LYPLA1: variants seen among roughly 807,000 people sequenced by gnomAD.
LYPLA1 encodes lysophospholipase 1.
LYPLA1 carries 17 observed loss-of-function variants against 34.0 expected under a neutral mutation model. The observed-to-expected ratio is 0.50, with a 90% confidence interval of 0.34 to 0.75. The LOEUF is 0.75. Ranked by LOEUF, LYPLA1 falls within the 30% of genes least tolerant of loss-of-function variation. The pLI, the probability that LYPLA1 is intolerant of heterozygous loss-of-function variation, is 0.01. For missense variants in LYPLA1, 203 were observed against 288.8 expected, an observed-to-expected ratio of 0.70 and a Z score of 2.15; for synonymous variants, 98 against 100.8, an observed-to-expected ratio of 0.97 and a Z score of 0.17.
At chr8:54,093,192 C>A (rs1480229333) in intron 2 of LYPLA1, among the ~76,000 whole-genome samples, 1 of 152,166 alleles carries the variant, frequency 6.6e-6, no homozygotes, top group African/African-American at 2.4e-5. Context: ...AGTGAGAGAC[C>A]ATAAGACCAG....
intron 3 of LYPLA1, 146 bp from the exon 4 acceptor site, chr8:54,063,521 C>T: frequency 1.6e-6 from 1 of 644,032 alleles, no homozygotes; most frequent in Non-Finnish European, 2.7e-6. Context: ...ATTTCATCCA[C>T]ACCTGTACAA....
intron 2 of LYPLA1, among the ~76,000 whole-genome samples, chr8:54,099,812 C>T (rs1024512166): frequency 1.3e-5 from 2 of 151,832 alleles, no homozygotes; most frequent in Non-Finnish European, 2.9e-5. Context: ...GCCTCCCTAG[C>T]AGCTGGGATT....
chr8:54,098,693 T>A (rs1026711005), intron 2 of LYPLA1, among the ~76,000 whole-genome samples: 1 of 152,046 alleles, frequency 6.6e-6, no homozygotes, highest in Non-Finnish European at 1.5e-5. Flanking sequence ...AAAATAATAA[T>A]AAAATAAATA....
chr8:54,067,157 A>AG (rs1186764942), intron 2 of LYPLA1, among the ~76,000 whole-genome samples: 1 of 152,192 alleles, frequency 6.6e-6, no homozygotes, highest in Non-Finnish European at 1.5e-5. Flanking sequence ...CAACAGAGTG[A>AG]GACTCCATCT....
intron 8 of LYPLA1, 22 bp downstream of exon 8, chr8:54,050,990 A>T: frequency 6.4e-7 from 1 of 1,569,690 alleles, no homozygotes; most frequent in Non-Finnish European, 8.7e-7. Flanking sequence ...TATGGCGCTG[A>T]TCACTGCTTC....
intron 6 of LYPLA1, chr8:54,053,151 A>G (rs2129325018): frequency 5.7e-6 from 1 of 176,016 alleles, no homozygotes; most frequent in South Asian, 1.3e-4. Flanking sequence ...CTGGAGAGTA[A>G]TGGTGCAATC....
chr8:54,048,093 A>G lies in LYPLA1; in HGVS notation c.665T>C (p.Ile222Thr), dbSNP rs1268717290. Residue 222 changes from isoleucine to threonine, a missense_variant, in exon 9 of 9, where the codon ATT becomes ACT. By Grantham distance (89) the Ile-to-Thr change is moderately conservative. Coordinates refer to ENST00000316963, the MANE Select transcript of LYPLA1 (RefSeq NM_006330.4). ...QQEMMDVKQFIDKLLPPID is the reference protein window; with the variant it reads ...QQEMMDVKQFTDKLLPPID ...ATCAATTGGAGGTAGGAGTTTATCAATGAATTGCTTGACATCCATCATTTC... is the reference window on the plus strand; with the variant it reads ...ATCAATTGGAGGTAGGAGTTTATCAGTGAATTGCTTGACATCCATCATTTC... 5 of 1,610,138 alleles carry G rather than the reference A, an allele frequency of 3.1e-6. No individual in the cohort carries two copies. The highest frequency in any genetic ancestry group is 2.5e-6 in the Non-Finnish European group (3 of 1,176,732).
In LYPLA1 at chr8:54,089,129, C is replaced by T. The variant is rs184836383; in HGVS notation, c.101+11779G>A. 3.9e-5 allele frequency among the ~76,000 whole-genome samples: 6 copies of T among 152,264 alleles called. No individual in the cohort carries two copies. The East Asian group carries it at 1.2e-3, about 29-fold the overall frequency. ...TGTTGAACATATTCTGGAATTAAGA[C>T]AGTGGTAATAGTTGAACAACTCTGT... On this transcript the variant is annotated intron_variant, in intron 2 of 8. Coordinates refer to ENST00000316963, the MANE Select transcript of LYPLA1 (RefSeq NM_006330.4).
chr8:54,088,863 C>T (rs558128489), intron 2 of LYPLA1, among the ~76,000 whole-genome samples: 12 of 152,310 alleles, frequency 7.9e-5, no homozygotes, highest in African/African-American at 2.9e-4. Context: ...AGGTGCATGA[C>T]ACCATGCTCA....
chr8:54,061,394 T>C (rs928364126), intron 5 of LYPLA1, among the ~76,000 whole-genome samples: 4 of 152,198 alleles, frequency 2.6e-5, no homozygotes, highest in African/African-American at 9.7e-5. Context: ...CAAAACTATA[T>C]AAACATTCTG....
At chr8:54,101,711 G>A in intron 1 of LYPLA1, 44 bp downstream of exon 1, 8 of 1,265,518 alleles carry the variant, frequency 6.3e-6, no homozygotes, top group Non-Finnish European at 8.1e-6. Flanking sequence ...ACCACCGGTG[G>A]CCGGCCCAGT....
intron 2 of LYPLA1, among the ~76,000 whole-genome samples, chr8:54,099,352 G>A (rs1037200435): frequency 1.3e-5 from 2 of 152,114 alleles, no homozygotes; most frequent in South Asian, 4.1e-4. Context: ...TCCATACAAA[G>A]TTTGTATTAC....
chr8:54,085,519 G>A (rs1050607232), intron 2 of LYPLA1, among the ~76,000 whole-genome samples: 26 of 151,376 alleles, frequency 1.7e-4, no homozygotes, highest in South Asian at 4.2e-4. Flanking sequence ...CCGTCATCCC[G>A]TCTAGGAAGT....
intron 2 of LYPLA1, among the ~76,000 whole-genome samples, chr8:54,081,086 AG>A (rs1398035828): frequency 6.6e-6 from 1 of 152,184 alleles, no homozygotes; most frequent in Non-Finnish European, 1.5e-5. Flanking sequence ...TGGACTTTAT[AG>A]TTCAAAGGCC....
At chr8:54,055,883 C>T (rs1476011570) in intron 5 of LYPLA1, among the ~76,000 whole-genome samples, 8 of 152,026 alleles carry the variant, frequency 5.3e-5, no homozygotes, top group South Asian at 4.1e-4. Context: ...ACTCGAGATC[C>T]GCCCGCCTCG....
chr8:54,101,646 C>G, intron 1 of LYPLA1, 109 bp downstream of exon 1: 4 of 1,151,686 alleles, frequency 3.5e-6, no homozygotes, highest in African/African-American at 3.2e-5. Flanking sequence ...CCGGGAGGAG[C>G]GTCCTCGTCC....
downstream of LYPLA1, chr8:54,045,742 A>G (rs1237392473): frequency 6.6e-6 from 1 of 152,194 alleles, no homozygotes; most frequent in African/African-American, 2.4e-5. Flanking sequence ...TATGACACTA[A>G]TTTAAAAAAC....
chr8:54,100,056 C>T (rs1809999079), intron 2 of LYPLA1, among the ~76,000 whole-genome samples: 1 of 152,156 alleles, frequency 6.6e-6, no homozygotes, highest in Non-Finnish European at 1.5e-5. Context: ...CTTCAGTTTT[C>T]CTCTATTTCT....
chr8:54,096,561 ACCC>A (rs368056378), intron 2 of LYPLA1, among the ~76,000 whole-genome samples: 1 of 151,386 alleles, frequency 6.6e-6, no homozygotes, highest in African/African-American at 2.4e-5. Context: ...ACATGGTGAA[ACCC>A]CCCCGTCTCT....
Sources: allele counts gnomAD v4.1 joint callset (sites outside exome capture counted in the v4.1 genomes callset), GRCh38; gene constraint gnomAD v4.1.1; transcripts MANE v1.5; gene names NCBI Gene and HGNC (gene_info 2026-07-23, HGNC 2026-07-21).